The following ADAMTS20 variants were observed in gnomAD, a reference collection of about 807,000 sequenced individuals.
ADAMTS20 encodes A disintegrin and metalloproteinase with thrombospondin motifs 20.
A neutral mutation model predicts 260.1 loss-of-function variants in ADAMTS20; 225 were observed. The observed-to-expected ratio is 0.87, with a 90% CI of 0.78 to 0.97. The LOEUF is 0.97. ADAMTS20 is among the 50% of genes least tolerant of loss of function. The probability of loss-of-function intolerance (pLI) is 0.00; values close to 1 mark genes in which losing one functional copy is unlikely to be tolerated. For missense variants in ADAMTS20, 2,400 were observed against 2,337.7 expected, an observed-to-expected ratio of 1.03 and a Z score of -0.55; for synonymous variants, 802 against 769.5, an observed-to-expected ratio of 1.04 and a Z score of -0.70.
chr12:43,536,779 G>A (rs1225617994), intron 2 of ADAMTS20, among the ~76,000 whole-genome samples: 1 of 152,190 alleles, frequency 6.6e-6, no homozygotes, highest in African/African-American at 2.4e-5. Flanking sequence ...GCAGAAGCCT[G>A]GTTGCACTAA....
chr12:43,420,430 A>C (rs913679452), intron 28 of ADAMTS20, among the ~76,000 whole-genome samples: 1 of 152,204 alleles, frequency 6.6e-6, no homozygotes, highest in African/African-American at 2.4e-5. Flanking sequence ...TGTATTATAA[A>C]ATTTATTTTT....
In ADAMTS20 at chr12:43,428,746, A is replaced by T. The variant is rs1213322491; in HGVS notation, c.3543T>A (p.Asp1181Glu). ...ATTCATCTGCTATTCTATCAAGAGC[A>T]TCACGACAGCTTACATAGCGGGCTT... The part of the protein sequence containing the change: ...GTQARYVSCR[D>E]ALDRIADESY... The change falls in exon 25 of 39, where the codon GAT becomes GAA. Residue 1181 changes from aspartate (D) to glutamate (E), a missense_variant. By Grantham distance (45) the Asp-to-Glu change is conservative (BLOSUM62 2). Transcript: ENST00000389420. 2 of 1,611,796 alleles carry T rather than the reference A, an allele frequency of 1.2e-6. No individual in the cohort carries two copies. Among genetic ancestry groups the T allele is most frequent in the Non-Finnish European group, 1.7e-6 (2 of 1,178,420 alleles).
intron 2 of ADAMTS20, among the ~76,000 whole-genome samples, chr12:43,548,591 A>G (rs58160022): frequency 0.12 from 18,286 of 152,230 alleles, 1,453 homozygotes; most frequent in East Asian, 0.3. Flanking sequence ...GTGTAGAAAT[A>G]AATATATATA....
At chr12:43,360,735 G>C (rs1051666101) in intron 37 of ADAMTS20, among the ~76,000 whole-genome samples, 3 of 152,102 alleles carry the variant, frequency 2.0e-5, no homozygotes, top group African/African-American at 7.2e-5. Context: ...ACCACTTGCA[G>C]TAACAAGAGA....
rs1293359096 is a variant in ADAMTS20 at position 43,431,454 on chromosome 12, A to G, written c.3139T>C (p.Trp1047Arg). The G allele has an allele frequency of 6.2e-7, 1 of 1,613,850 alleles. No homozygotes were observed. Among genetic ancestry groups the G allele is most frequent in the African/African-American group, 1.3e-5 (1 of 74,920 alleles). ...CGKGTKQRQV[W>R]CQLNVDHLSD... is the part of the protein sequence containing the mutation. The stretch of plus-strand genomic sequence containing the variant: ...AAGTGATCTACATTCAGCTGACACC[A>G]TACCTGCCGCTGCTTTGTTCCTTTA... The change falls in exon 22 of 39, where the codon TGG becomes CGG. Residue 1047 changes from tryptophan (W) to arginine (R), a missense_variant. By Grantham distance (101) the Trp-to-Arg change is moderately radical (BLOSUM62 -3). Coordinates refer to ENST00000389420, the MANE Select transcript of ADAMTS20 (RefSeq NM_025003.5).
chr12:43,471,205 G>T (rs574723074), intron 7 of ADAMTS20, among the ~76,000 whole-genome samples: 2 of 152,082 alleles, frequency 1.3e-5, no homozygotes, highest in East Asian at 1.9e-4. Flanking sequence ...TTCCCTTTCC[G>T]AGTCAAAGAA....
At chr12:43,506,129 A>G (rs920795471) in intron 3 of ADAMTS20, among the ~76,000 whole-genome samples, 2 of 135,972 alleles carry the variant, frequency 1.5e-5, no homozygotes, top group Non-Finnish European at 3.2e-5. Context: ...TCTAAAACAA[A>G]CAAACAAAAA....
chr12:43,499,649 C>T (rs1942727883), intron 4 of ADAMTS20, among the ~76,000 whole-genome samples: 2 of 152,104 alleles, frequency 1.3e-5, no homozygotes, highest in East Asian at 3.9e-4. Context: ...GGATTATAGG[C>T]ACACGCCACC....
intron 14 of ADAMTS20, among the ~76,000 whole-genome samples, chr12:43,450,982 T>C (rs1941854424): frequency 6.6e-6 from 1 of 152,176 alleles, no homozygotes; most frequent in Admixed American, 6.5e-5. Context: ...TACACTCCCA[T>C]GTTTATCACA....
intron 36 of ADAMTS20, among the ~76,000 whole-genome samples, chr12:43,371,437 G>A (rs1940104940): frequency 6.6e-6 from 1 of 152,162 alleles, no homozygotes; most frequent in Non-Finnish European, 1.5e-5. Context: ...AGTCTTACCA[G>A]GAAGAGACAA....
At position 43,462,990 on chromosome 12, in the gene ADAMTS20, T is replaced by C. The variant is rs143057443; in HGVS notation, c.1519A>G (p.Met507Val). Reference sequence around the variant, plus strand: ...TCTGTGCTTGTGCACCACAGATGCATGCATATATTCTCCTGAGTAACAAAA... The same window carrying C: ...TCTGTGCTTGTGCACCACAGATGCACGCATATATTCTCCTGAGTAACAAAA... ...SQMCPHINIC[M>V]HLWCTSTEKL... Residue 507 changes from methionine to valine, a missense_variant, in exon 11 of 39, where the codon ATG becomes GTG. By Grantham distance (21) the Met-to-Val change is conservative. Transcript: ENST00000389420. 1.7e-5 allele frequency: 27 copies of C among 1,601,914 alleles called. No homozygotes were observed. Among genetic ancestry groups the C allele is most frequent in the Non-Finnish European group, 2.2e-5 (26 of 1,173,734 alleles).
intron 28 of ADAMTS20, 88 bp from the exon 29 acceptor site, chr12:43,399,321 C>T (rs921466973): frequency 5.4e-6 from 6 of 1,103,116 alleles, no homozygotes; most frequent in East Asian, 3.0e-5. Context: ...TAACAATCCA[C>T]ACATAATTCC....
chr12:43,464,633 ACACTGCT>A lies in ADAMTS20; in HGVS notation c.1460_1466del (p.Lys487MetfsTer15). 1 of 1,611,198 alleles carries A rather than the reference ACACTGCT, an allele frequency of 6.2e-7. No individual in the cohort carries two copies. The highest frequency in any genetic ancestry group is 8.5e-7 in the Non-Finnish European group (1 of 1,177,468). Reference sequence around the variant, plus strand: ...GTGACCCAGGACCAAACGCAAGCTCACACTGCTTGTTTCCATCATATCGTGATCCAGG... The same window carrying A: ...GTGACCCAGGACCAAACGCAAGCTCATGTTTCCATCATATCGTGATCCAGG... On this transcript the variant is annotated frameshift_variant, in exon 10 of 39. Coordinates refer to ENST00000389420, the MANE Select transcript of ADAMTS20 (RefSeq NM_025003.5). LOFTEE classifies it high-confidence loss of function.
At chr12:43,369,823 C>CA (rs1397350892) in intron 36 of ADAMTS20, among the ~76,000 whole-genome samples, 1 of 152,140 alleles carries the variant, frequency 6.6e-6, no homozygotes, top group South Asian at 2.1e-4. Flanking sequence ...AATCTCTCCA[C>CA]AAAAAAGTAT....
chr12:43,467,477 A>C (rs1942175522), intron 8 of ADAMTS20, among the ~76,000 whole-genome samples: 1 of 152,066 alleles, frequency 6.6e-6, no homozygotes, highest in South Asian at 2.1e-4. Flanking sequence ...TGCCTGCTAA[A>C]ATTTGTATTT....
At chr12:43,527,418 T>C (rs1318921140) in intron 3 of ADAMTS20, among the ~76,000 whole-genome samples, 1 of 151,940 alleles carries the variant, frequency 6.6e-6, no homozygotes, top group East Asian at 1.9e-4. Flanking sequence ...ATATCCCTGA[T>C]AAAAATGAAA....
At chr12:43,513,547 C>A (rs1942953875) in intron 3 of ADAMTS20, among the ~76,000 whole-genome samples, 1 of 152,108 alleles carries the variant, frequency 6.6e-6, no homozygotes, top group Admixed American at 6.5e-5. Flanking sequence ...TTGACCCAGC[C>A]ATTCTATTAC....
intron 2 of ADAMTS20, among the ~76,000 whole-genome samples, chr12:43,540,688 T>G (rs1943365300): frequency 6.6e-6 from 1 of 152,188 alleles, no homozygotes; most frequent in South Asian, 2.1e-4. Flanking sequence ...CATGCCATAT[T>G]TTTAGCAACA....
chr12:43,456,434 G>A lies in ADAMTS20; in HGVS notation c.1615-2382C>T, dbSNP rs947362848. Among the ~76,000 whole-genome samples the A allele has an allele frequency of 5.3e-5, 8 of 152,032 alleles. 1 individual carries two copies. In the South Asian group the frequency reaches 1.5e-3, roughly 28 times the overall value. ...TGCTCTGCTTCTCCTTGAAAGAGTC[G>A]GCCATGTACATTCTTTAACTCCCTG... On this transcript the variant is annotated intron_variant, in intron 11 of 38. Transcript: ENST00000389420.
Sources: gnomAD v4.1 joint callset for allele counts (sites outside exome capture counted in the v4.1 genomes callset) on GRCh38, gnomAD v4.1.1 for gene constraint, MANE v1.5 for transcripts, NCBI Gene and HGNC (gene_info 2026-07-23, HGNC 2026-07-21) for gene names.